The following MEGF6 variants were observed in gnomAD, a reference collection of about 807,000 sequenced individuals.
MEGF6 encodes the protein multiple EGF like domains 6, also known as multiple epidermal growth factor-like domains protein 6.
Under a neutral mutation model 207.1 loss-of-function variants are expected in MEGF6, and 184 were observed. The ratio of observed to expected loss-of-function variants is 0.89; its 90% CI spans 0.79 to 1.00. The LOEUF (loss-of-function observed/expected upper bound fraction) is 1.00. Among genes scored for constraint, MEGF6 ranks in the 50% least tolerant of loss-of-function variants. The pLI is 0.00. For missense variants in MEGF6, 2,282 were observed against 2,202.9 expected (o/e 1.04, Z -0.72); for synonymous variants, 1,038 against 910.0 (o/e 1.14, Z -2.53).
At chr1:3,567,655 G>T (rs567794121) in intron 4 of MEGF6, among the ~76,000 whole-genome samples, 1 of 152,170 alleles carries the variant, frequency 6.6e-6, no homozygotes, top group Non-Finnish European at 1.5e-5. Context: ...CCATCACACC[G>T]TGGGCCCTCG....
rs758453225 is a variant in MEGF6, at chr1:3,595,335, C to T, written c.376+3G>A. On this transcript the variant is annotated splice_donor_region_variant and intron_variant, in intron 3 of 36. Transcript: ENST00000356575. The stretch of plus-strand genomic sequence containing the variant: ...AGGGCGGGGAGGCGCAGGCGGCACT[C>T]ACCCGAGAGGCAGCCCTCCTCGTCG... 8 of 1,608,174 alleles carry T rather than the reference C, an allele frequency of 5.0e-6. No homozygotes were observed. Among genetic ancestry groups the T allele is most frequent in the East Asian group, 2.2e-5 (1 of 44,798 alleles).
At chr1:3,511,322 A>C (rs1186634151) in intron 9 of MEGF6, among the ~76,000 whole-genome samples, 1 of 152,166 alleles carries the variant, frequency 6.6e-6, no homozygotes, top group East Asian at 1.9e-4. Flanking sequence ...GGTGCCGTGA[A>C]CATGGGTATG....
intron 4 of MEGF6, among the ~76,000 whole-genome samples, chr1:3,547,900 G>A (rs1323214369): frequency 1.3e-5 from 2 of 152,202 alleles, no homozygotes; most frequent in African/African-American, 2.4e-5. Flanking sequence ...TAGGAGCATC[G>A]AGGGAAGAAG....
chr1:3,505,399 C>CCGG (rs778678223), intron 16 of MEGF6, 23 bp downstream of exon 16: 23 of 1,585,838 alleles, frequency 1.5e-5, no homozygotes, highest in Non-Finnish European at 2.0e-5. Flanking sequence ...CCCCCCGCCC[C>CCGG]CAGACCCCAT....
At chr1:3,570,780 G>A (rs1362303104) in intron 4 of MEGF6, among the ~76,000 whole-genome samples, 5 of 152,186 alleles carry the variant, frequency 3.3e-5, no homozygotes, top group South Asian at 2.1e-4. Flanking sequence ...AAATCATCCT[G>A]CCCCCTCCAC....
chr1:3,522,835 G>A (rs1641806599), intron 5 of MEGF6, among the ~76,000 whole-genome samples: 1 of 152,176 alleles, frequency 6.6e-6, no homozygotes, highest in African/African-American at 2.4e-5. Context: ...GTCGAGAAAA[G>A]GACGTGCCCC....
chr1:3,566,020 C>G (rs1643334440), intron 4 of MEGF6, among the ~76,000 whole-genome samples: 1 of 152,168 alleles, frequency 6.6e-6, no homozygotes, highest in Admixed American at 6.5e-5. Context: ...GTGACCTCCC[C>G]CAGCGCTCTC....
intron 3 of MEGF6, among the ~76,000 whole-genome samples, chr1:3,585,979 CGCATGTCCTGTGT>C (rs1284667505): frequency 2.4e-5 from 3 of 125,518 alleles, no homozygotes; most frequent in African/African-American, 1.1e-4. Context: ...GGTGTGTGGA[CGCATGTCCTGTGT>C]GTGGGTGTGT....
intron 5 of MEGF6, among the ~76,000 whole-genome samples, chr1:3,523,513 AGCTGAGGGACAGGGTCCC>A (rs1477565812): frequency 6.6e-6 from 1 of 152,140 alleles, no homozygotes; most frequent in Non-Finnish European, 1.5e-5. Flanking sequence ...CCGCAGAGGA[AGCTGAGGGACAGGGTCCC>A]GCTTCTTCGT....
chr1:3,516,485 C>T (rs1279486465), intron 5 of MEGF6, among the ~76,000 whole-genome samples: 2 of 152,198 alleles, frequency 1.3e-5, no homozygotes, highest in Non-Finnish European at 2.9e-5. Flanking sequence ...AACCCCATTA[C>T]CAAAGCGCCG....
chr1:3,622,555 T>A, the MEGF6 span, among the ~76,000 whole-genome samples: 1 of 152,206 alleles, frequency 6.6e-6, no homozygotes, highest in East Asian at 1.9e-4. Context: ...ATGAGGTCAC[T>A]AGGGTGGTCC....
chr1:3,610,687 C>T (rs1644313173), intron 1 of MEGF6, among the ~76,000 whole-genome samples: 1 of 152,282 alleles, frequency 6.6e-6, no homozygotes, highest in Admixed American at 6.5e-5. Context: ...CACAGACCAA[C>T]TCCATTCAGC....
In MEGF6 at chr1:3,515,576, G is replaced by A. The variant is rs771820209; in HGVS notation, c.605-49C>T. 5.5e-5 allele frequency: 87 copies of A among 1,590,340 alleles called. 1 individual carries two copies. The highest frequency in any genetic ancestry group is 3.3e-4 in the South Asian group (30 of 89,690). Reference sequence around the variant, plus strand: ...AGTCAGCCCAAGAGGATGCCTGGCCGACAGTCTGTCCCTGGCTGGCATGGA... The same window carrying A: ...AGTCAGCCCAAGAGGATGCCTGGCCAACAGTCTGTCCCTGGCTGGCATGGA... On this transcript the variant is annotated intron_variant, in intron 5 of 36. Transcript: ENST00000356575.
At chr1:3,510,947 C>T (rs199600491) in intron 9 of MEGF6, 45 bp from the exon 10 acceptor site, 73 of 1,567,548 alleles carry the variant, frequency 4.7e-5, no homozygotes, top group African/African-American at 8.1e-5. Flanking sequence ...GGCACCTGCA[C>T]GTGCACACGC....
At chr1:3,510,978 A>ATACGCCCCCACCCACACACAACTGCG in intron 9 of MEGF6, 76 bp from the exon 10 acceptor site, 1 of 1,535,130 alleles carries the variant, frequency 6.5e-7, no homozygotes, top group Non-Finnish European at 8.8e-7. Context: ...ACACAACTGC[A>ATACGCCCCCACCCACACACAACTGCG]TACGACCACA....
intron 4 of MEGF6, among the ~76,000 whole-genome samples, chr1:3,532,813 A>T (rs778072569): frequency 3.9e-5 from 6 of 152,216 alleles, no homozygotes; most frequent in Non-Finnish European, 5.9e-5. Context: ...GGGAAGAAGG[A>T]CTGCCAACCT....
intron 3 of MEGF6, among the ~76,000 whole-genome samples, chr1:3,584,980 G>C (rs1294907139): frequency 6.6e-6 from 1 of 152,288 alleles, no homozygotes; most frequent in African/African-American, 2.4e-5. Flanking sequence ...TCTGGGCCAG[G>C]TGTGAGGATG....
At chr1:3,597,055 G>A (rs55936822) in intron 2 of MEGF6, among the ~76,000 whole-genome samples, 3,157 of 152,272 alleles carry the variant, frequency 0.021, 49 homozygotes, top group Non-Finnish European at 0.034. Flanking sequence ...TGGTCGGCCC[G>A]CGGACCCCGC....
intron 3 of MEGF6, among the ~76,000 whole-genome samples, chr1:3,591,071 G>A (rs1015691399): frequency 2.6e-5 from 4 of 152,144 alleles, no homozygotes; most frequent in Non-Finnish European, 5.9e-5. Flanking sequence ...AGCCTCCCAG[G>A]GGCTGAGGGG....
Sources: gnomAD v4.1 joint callset for allele counts (sites outside exome capture counted in the v4.1 genomes callset) on GRCh38, gnomAD v4.1.1 for gene constraint, MANE v1.5 for transcripts, NCBI Gene and HGNC (gene_info 2026-07-23, HGNC 2026-07-21) for gene names.